Variants in TG observed in about 807,000 individuals in gnomAD.
TG encodes the protein thyroid hormones.
A neutral mutation model predicts 324.7 loss-of-function variants in TG; 270 were observed. That is an observed-to-expected ratio of 0.83 (90% CI 0.75 to 0.92). The LOEUF (loss-of-function observed/expected upper bound fraction) is 0.92, where lower values mean the gene tolerates loss of function less well. TG is among the 40% of genes least tolerant of loss of function. The pLI is 0.00. For synonymous variants in TG, 1,401 were observed against 1,327.0 expected, an observed-to-expected ratio of 1.06 and a Z score of -1.21; for missense variants, 3,591 against 3,456.4, an observed-to-expected ratio of 1.04 and a Z score of -0.98.
chr8:132,973,738 T>A (rs575155186), intron 34 of TG, among the ~76,000 whole-genome samples: 1 of 152,260 alleles, frequency 6.6e-6, no homozygotes, highest in East Asian at 1.9e-4. Context: ...CAGAAGCAAA[T>A]TCACAAAGAT....
At chr8:133,102,710 G>T (rs916671853) in intron 43 of TG, 1 of 740,726 alleles carries the variant, frequency 1.4e-6, no homozygotes, top group Non-Finnish European at 2.3e-6. Context: ...TTGACAGTCT[G>T]CCTACATTAT....
At position 132,962,867 on chromosome 8, in the gene TG, G is replaced by A. The variant is rs1209734905; in HGVS notation, c.5468-127G>A. 7 of 822,000 alleles carry A rather than the reference G, an allele frequency of 8.5e-6. No individual in the cohort carries two copies. In the East Asian group the frequency reaches 1.2e-4, roughly 14 times the overall value. 50.9% of individuals were successfully genotyped at this position (822,000 alleles called of 1,614,324 possible). On this transcript the variant is annotated intron_variant, in intron 28 of 47. Coordinates refer to ENST00000220616, the MANE Select transcript of TG (RefSeq NM_003235.5). ...GCAGATCCATGTCAGGGCATCTGTT[G>A]CAGATCTTCTCTAAGTCACCTGGCT...
In TG at chr8:133,113,667, G is replaced by A. The variant is rs1210988706; in HGVS notation, c.7754+64G>A. 4 of 1,567,756 alleles carry A rather than the reference G, an allele frequency of 2.6e-6. No homozygotes were observed. The African/African-American group carries it at 4.1e-5, about 16-fold the overall frequency. ...ATGTTTTGGAGCAGACTCAGTTGGTGTTCAGGTCATGAATGAGAAATAAAG... is the reference window on the plus strand; with the variant it reads ...ATGTTTTGGAGCAGACTCAGTTGGTATTCAGGTCATGAATGAGAAATAAAG... On this transcript the variant is annotated intron_variant, in intron 44 of 47. Coordinates refer to ENST00000220616, the MANE Select transcript of TG (RefSeq NM_003235.5).
intron 32 of TG, among the ~76,000 whole-genome samples, chr8:132,970,631 T>C (rs1829372706): frequency 6.6e-6 from 1 of 152,154 alleles, no homozygotes; most frequent in Non-Finnish European, 1.5e-5. Context: ...CAGGCTAGTC[T>C]GTCTTGAGAT....
intron 47 of TG, 28 bp from the exon 48 acceptor site, chr8:133,134,648 A>G: frequency 1.2e-6 from 2 of 1,604,968 alleles, no homozygotes; most frequent in Non-Finnish European, 1.7e-6. Flanking sequence ...TCTGGCTTGG[A>G]CCAACCTTCC....
intron 2 of TG, among the ~76,000 whole-genome samples, chr8:132,869,147 C>G (rs1284572801): frequency 6.6e-6 from 1 of 152,204 alleles, no homozygotes; most frequent in Non-Finnish European, 1.5e-5. Context: ...TGGCCTCTTG[C>G]AGTTTCAAAC....
chr8:132,873,256 A>ATCACCTGACGCAGCCCACAC, intron 5 of TG, 35 bp downstream of exon 5: 1 of 1,612,920 alleles, frequency 6.2e-7, no homozygotes, highest in Non-Finnish European at 8.5e-7. Flanking sequence ...TCACTGGGCC[A>ATCACCTGACGCAGCCCACAC]TCACCTGACG....
chr8:132,948,318 A>G (rs1262376514), intron 26 of TG, among the ~76,000 whole-genome samples: 2 of 152,080 alleles, frequency 1.3e-5, no homozygotes, highest in Admixed American at 6.6e-5. Context: ...TGAGAGCGAG[A>G]GCGAGAGAGA....
chr8:132,869,582 C>T (rs1463358612), intron 2 of TG, 147 bp from the exon 3 acceptor site: 5 of 714,852 alleles, frequency 7.0e-6, no homozygotes. Context: ...CCAGGTCAGC[C>T]ACCCTTCTCC....
intron 29 of TG, among the ~76,000 whole-genome samples, chr8:132,966,079 T>G (rs1828519729): frequency 2.0e-5 from 3 of 152,168 alleles, no homozygotes; most frequent in South Asian, 4.1e-4. Context: ...GAGGCTGGAC[T>G]TCCATGTGGC....
chr8:133,077,691 C>G (rs1459626207), intron 41 of TG, among the ~76,000 whole-genome samples: 2 of 152,008 alleles, frequency 1.3e-5, no homozygotes, highest in African/African-American at 4.8e-5. Context: ...GGGTCTCAGC[C>G]TCAGCACTTT....
intron 3 of TG, among the ~76,000 whole-genome samples, 176 bp downstream of exon 3, chr8:132,870,002 C>T (rs1839334201): frequency 6.6e-6 from 1 of 152,194 alleles, no homozygotes; most frequent in African/African-American, 2.4e-5. Flanking sequence ...TCCTGCAGGG[C>T]CACTGTGAAA....
intron 45 of TG, among the ~76,000 whole-genome samples, chr8:133,130,610 C>T (rs548898858): frequency 3.2e-4 from 48 of 152,264 alleles, no homozygotes; most frequent in Middle Eastern, 3.4e-3. Flanking sequence ...GAACGGAATC[C>T]TTTCACAACT....
chr8:133,029,927 C>G lies in TG; in HGVS notation c.7143C>G (p.Ser2381=), dbSNP rs773840836. The G allele has an allele frequency of 1.2e-6, 2 of 1,614,172 alleles. No individual in the cohort carries two copies. Among genetic ancestry groups the G allele is most frequent in the Non-Finnish European group, 1.7e-6 (2 of 1,180,016 alleles). ...TTGGCGGGGACCCTCGGCGCGTGTC[C>G]CTGGCAGCAGACCGTGGCGGGGCTG... The part of the protein sequence containing the change: ...RGFGGDPRRV[S]LAADRGGADV... Residue 2381 remains serine, a synonymous_variant, in exon 41 of 48, where the codon TCC becomes TCG. Transcript: ENST00000220616.
At chr8:132,867,142 G>T in intron 1 of TG, 75 bp downstream of exon 1, 1 of 1,287,792 alleles carries the variant, frequency 7.8e-7, no homozygotes, top group Non-Finnish European at 1.1e-6. Context: ...CTGGGCCTTC[G>T]AACAGGTGCG....
intron 43 of TG, among the ~76,000 whole-genome samples, chr8:133,112,365 A>G (rs1192268777): frequency 6.6e-6 from 1 of 152,234 alleles, no homozygotes; most frequent in East Asian, 1.9e-4. Context: ...GCTGGGGCCC[A>G]GGAGGCTGGG....
intron 31 of TG, among the ~76,000 whole-genome samples, chr8:132,968,555 T>C (rs1283793856): frequency 1.3e-5 from 2 of 152,260 alleles, no homozygotes; most frequent in East Asian, 3.9e-4. Flanking sequence ...TTTCATTTAC[T>C]GTTCTATCTT....
At chr8:133,077,069 C>A (rs74572539) in intron 41 of TG, among the ~76,000 whole-genome samples, 1 of 152,116 alleles carries the variant, frequency 6.6e-6, no homozygotes, top group East Asian at 1.9e-4. Flanking sequence ...GGTGGCCAGT[C>A]GTGGGGTGGA....
intron 12 of TG, 88 bp downstream of exon 12, chr8:132,897,874 C>T: frequency 6.6e-7 from 1 of 1,507,078 alleles, no homozygotes; most frequent in East Asian, 2.3e-5. Flanking sequence ...GGCAAGTGAG[C>T]TGGACTCTTA....
Sources: gnomAD v4.1 joint callset for allele counts (sites outside exome capture counted in the v4.1 genomes callset) on GRCh38, gnomAD v4.1.1 for gene constraint, MANE v1.5 for transcripts, NCBI Gene and HGNC (gene_info 2026-07-23, HGNC 2026-07-21) for gene names.